The following ZNF827 variants were observed in gnomAD, a reference collection of about 807,000 sequenced individuals.
ZNF827 encodes the protein zinc finger protein 827.
A neutral mutation model predicts 102.4 loss-of-function variants in ZNF827; 13 were observed. The observed-to-expected ratio is 0.13, with a 90% CI of 0.08 to 0.20. The LOEUF (loss-of-function observed/expected upper bound fraction) is 0.20, where lower values mean the gene tolerates loss of function less well. Among genes scored for constraint, ZNF827 ranks in the 10% least tolerant of loss-of-function variants. The probability of loss-of-function intolerance (pLI) is 1.00; values close to 1 mark genes in which losing one functional copy is unlikely to be tolerated. For synonymous variants in ZNF827, 523 were observed against 536.2 expected, an observed-to-expected ratio of 0.98 and a Z score of 0.34; for missense variants, 1,103 against 1,344.4, an observed-to-expected ratio of 0.82 and a Z score of 2.81.
At position 145,902,379 on chromosome 4, in the gene ZNF827, C is replaced by G. The variant is rs1305628559; in HGVS notation, c.880G>C (p.Val294Leu). The G allele has an allele frequency of 1.2e-6, 2 of 1,612,568 alleles. No individual in the cohort carries two copies. ...MTSSAALLKE[V>L]AARAAGSLLA... Reference sequence around the variant, plus strand: ...AGACTGCCCGCAGCCCTTGCGGCCACCTCCTTCAGAAGGGCCGCTGAGGAG... The same window carrying G: ...AGACTGCCCGCAGCCCTTGCGGCCAGCTCCTTCAGAAGGGCCGCTGAGGAG... The change falls in exon 2 of 15, where the codon GTG becomes CTG. Residue 294 changes from valine (V) to leucine (L), a missense_variant. Val to Leu is a conservative substitution (Grantham distance 32). Coordinates refer to ENST00000508784, the MANE Select transcript of ZNF827 (RefSeq NM_001306215.2). This position sits in a 1 kb window ranked among gnomAD's most constrained non-coding sequence, Gnocchi z 4.3.
chr4:145,764,602 C>T (rs1347062861), intron 13 of ZNF827: 4 of 215,614 alleles, frequency 1.9e-5, no homozygotes, highest in East Asian at 1.4e-4. Context: ...AGCAAGCCAT[C>T]GGAAAAACAG....
At chr4:145,913,201 G>A (rs551550446) in intron 1 of ZNF827, among the ~76,000 whole-genome samples, 2 of 151,982 alleles carry the variant, frequency 1.3e-5, no homozygotes, top group African/African-American at 2.4e-5. Context: ...CAAGGCTGGC[G>A]GATCACTTGA....
At chr4:145,833,470 C>G (rs944691271) in intron 7 of ZNF827, among the ~76,000 whole-genome samples, 3 of 152,146 alleles carry the variant, frequency 2.0e-5, no homozygotes, top group Admixed American at 1.3e-4. Flanking sequence ...AGTGGCAAGT[C>G]CCGCTTTCCT....
chr4:145,797,465 CAT>C (rs1740493802), intron 8 of ZNF827, among the ~76,000 whole-genome samples: 1 of 152,186 alleles, frequency 6.6e-6, no homozygotes, highest in African/African-American at 2.4e-5. Context: ...TGGTCACTCA[CAT>C]GAGTCTTATG....
chr4:145,845,292 G>A (rs1252974221), intron 7 of ZNF827, among the ~76,000 whole-genome samples: 1 of 152,202 alleles, frequency 6.6e-6, no homozygotes. Context: ...CAGCAGCACT[G>A]GCTGATCCTC....
chr4:145,910,300 G>C (rs1178825958), intron 1 of ZNF827, among the ~76,000 whole-genome samples: 3 of 152,276 alleles, frequency 2.0e-5, no homozygotes, highest in African/African-American at 7.2e-5. Context: ...GTCAGTTTCA[G>C]TATTCTTCAT....
At chr4:145,915,289 A>G (rs1329600902) in intron 1 of ZNF827, among the ~76,000 whole-genome samples, 1 of 152,114 alleles carries the variant, frequency 6.6e-6, no homozygotes, top group African/African-American at 2.4e-5. Flanking sequence ...CTCTACTAAA[A>G]ATGCAAAATT....
rs1373253079 is a variant in ZNF827 at position 145,870,440 on chromosome 4, C to T, written c.1786G>A (p.Val596Met). The change falls in exon 5 of 15, where the codon GTG becomes ATG. Residue 596 changes from valine to methionine, a missense_variant. Physicochemically the swap from Val to Met is conservative, Grantham distance 21. Coordinates refer to ENST00000508784, the MANE Select transcript of ZNF827 (RefSeq NM_001306215.2). ...TCCCCTTCCTTAGGCTCCTCTTTCA[C>T]TTTAAAATTAAGATTCATGGGCTCC... ...QKEPMNLNFKVKEEPKEGESL... is the reference protein window; with the variant it reads ...QKEPMNLNFKMKEEPKEGESL... 1 of 1,614,068 alleles carries T rather than the reference C, an allele frequency of 6.2e-7. No individual in the cohort carries two copies. Among genetic ancestry groups the T allele is most frequent in the Non-Finnish European group, 8.5e-7 (1 of 1,180,018 alleles).
intron 1 of ZNF827, among the ~76,000 whole-genome samples, chr4:145,905,182 G>C (rs1751745731): frequency 6.6e-6 from 1 of 152,212 alleles, no homozygotes; most frequent in Non-Finnish European, 1.5e-5. Flanking sequence ...ACTGTGCCTA[G>C]CACAATGTCT....
intron 4 of ZNF827, among the ~76,000 whole-genome samples, chr4:145,880,555 T>C (rs1749575005): frequency 6.6e-6 from 1 of 152,210 alleles, no homozygotes; most frequent in Admixed American, 6.5e-5. Flanking sequence ...TCAGTGCTTG[T>C]CTCATGAGTG....
At chr4:145,883,686 T>C (rs1419642339) in intron 4 of ZNF827, among the ~76,000 whole-genome samples, 1 of 152,242 alleles carries the variant, frequency 6.6e-6, no homozygotes. Flanking sequence ...CCTGGAGTCA[T>C]GGAGTAAAGG....
At chr4:145,851,100 G>A (rs1448786980) in intron 5 of ZNF827, among the ~76,000 whole-genome samples, 2 of 152,188 alleles carry the variant, frequency 1.3e-5, no homozygotes, top group African/African-American at 4.8e-5. Context: ...TGCAGCCACT[G>A]GAAGCTGCAA....
intron 10 of ZNF827, 70 bp downstream of exon 10, chr4:145,775,719 C>A: frequency 6.3e-7 from 1 of 1,579,790 alleles, no homozygotes; most frequent in Non-Finnish European, 8.7e-7. Context: ...ATGCCCACAG[C>A]AGACAGGTAG....
chr4:145,893,450 A>T (rs928041585), intron 2 of ZNF827, among the ~76,000 whole-genome samples: 3 of 152,272 alleles, frequency 2.0e-5, no homozygotes, highest in African/African-American at 7.2e-5. Context: ...AAGCACTTTT[A>T]AAAATGAGCT....
intron 7 of ZNF827, among the ~76,000 whole-genome samples, chr4:145,826,991 C>T (rs539684095): frequency 6.6e-6 from 1 of 152,280 alleles, no homozygotes; most frequent in South Asian, 2.1e-4. Flanking sequence ...ATGTGACCCA[C>T]CTGCCTCGGC....
In ZNF827 at chr4:145,902,087, C is replaced by A. The variant is rs1751458495; in HGVS notation, c.1093+79G>T. The A allele has an allele frequency of 7.3e-6, 11 of 1,498,066 alleles. No individual in the cohort carries two copies. Among genetic ancestry groups the A allele is most frequent in the Non-Finnish European group, 8.9e-6 (10 of 1,124,444 alleles). The allele number at this position is 1,498,066 out of a possible 1,614,324, so 92.8% of individuals were successfully genotyped here. A position where few individuals can be genotyped will look rare whatever the true frequency, so the allele number is the denominator to read the frequency against. On this transcript the variant is annotated intron_variant, in intron 2 of 14. Coordinates refer to ENST00000508784, the MANE Select transcript of ZNF827 (RefSeq NM_001306215.2). The surrounding 1 kb of genome is among the most constrained non-coding windows in gnomAD (Gnocchi z 4.3). ...GCCTCAGATCAGATGGGGAACCCAA[C>A]TGAAAAAAGCAATGAATAAGACATC...
At chr4:145,861,855 T>C (rs76037934) in intron 5 of ZNF827, among the ~76,000 whole-genome samples, 238 of 152,238 alleles carry the variant, frequency 1.6e-3, no homozygotes, top group African/African-American at 5.3e-3. Flanking sequence ...CACAAGCCAA[T>C]ACAAATTTTC....
In ZNF827 at chr4:145,902,570, C is replaced by T; in HGVS notation, c.689G>A (p.Arg230Lys). ...NAVLQDKSLT[R>K]TEETMRFESF... ...CTCAAATCGCATGGTCTCCTCAGTC[C>T]TGGTGAGAGATTTGTCCTGCAGAAC... Residue 230 changes from arginine (R) to lysine (K), a missense_variant, in exon 2 of 15, where the codon AGG becomes AAG. Arg to Lys is a conservative substitution (Grantham distance 26). Transcript: ENST00000508784. The surrounding 1 kb of genome is among the most constrained non-coding windows in gnomAD (Gnocchi z 4.3). The T allele has an allele frequency of 1.2e-6, 2 of 1,614,088 alleles. No individual in the cohort carries two copies. Among genetic ancestry groups the T allele is most frequent in the South Asian group, 2.2e-5 (2 of 91,072 alleles).
At chr4:145,768,192 TCTCA>T (rs1162257423) in intron 11 of ZNF827, among the ~76,000 whole-genome samples, 1 of 152,156 alleles carries the variant, frequency 6.6e-6, no homozygotes, top group African/African-American at 2.4e-5. Flanking sequence ...GGAGACAGGG[TCTCA>T]CTCTGTTGCC....
Sources: gnomAD v4.1 joint callset for allele counts (sites outside exome capture counted in the v4.1 genomes callset) on GRCh38, gnomAD v4.1.1 for gene constraint, Gnocchi (gnomAD v3.1) non-coding constraint, MANE v1.5 for transcripts, NCBI Gene and HGNC (gene_info 2026-07-23, HGNC 2026-07-21) for gene names.